The following CCDC60 variants were observed in gnomAD, a reference collection of about 807,000 sequenced individuals.
CCDC60 encodes coiled-coil domain containing 60, also known as coiled-coil domain-containing protein 60.
In CCDC60, 54 loss-of-function variants were observed where a neutral mutation model predicts 63.5. That is an observed-to-expected ratio of 0.85 (90% CI 0.68 to 1.07). CCDC60 has a LOEUF of 1.07. CCDC60 is among the 50% of genes least tolerant of loss of function. The pLI is 0.00. For missense variants in CCDC60, 651 were observed against 684.3 expected (o/e 0.95, Z 0.54); for synonymous variants, 206 against 238.8 (o/e 0.86, Z 1.27).
At chr12:119,338,740 A>C (rs1955500408) in intron 1 of CCDC60, among the ~76,000 whole-genome samples, 1 of 152,212 alleles carries the variant, frequency 6.6e-6, no homozygotes, top group Non-Finnish European at 1.5e-5. Flanking sequence ...GAATCACAAA[A>C]TGCCAGGCGG....
At chr12:119,530,107 C>T (rs1027124941) in intron 12 of CCDC60, among the ~76,000 whole-genome samples, 1 of 152,110 alleles carries the variant, frequency 6.6e-6, no homozygotes, top group African/African-American at 2.4e-5. Context: ...TCCTCTTCTC[C>T]TCAACGGGAC....
rs569511482 is a variant in CCDC60, at chr12:119,406,176, A to T, written c.91-22507A>T. On this transcript the variant is annotated intron_variant, in intron 1 of 13. Transcript: ENST00000327554. ...ACAAGAGGGAAACTCTGTCTCAAAA[A>T]ATATATATATATATAGATATATATA... is the stretch of plus-strand genomic sequence containing the variant. Among the ~76,000 whole-genome samples, 308 of 143,794 alleles carry T rather than the reference A, an allele frequency of 2.1e-3. 1 individual carries two copies. The highest frequency in any genetic ancestry group is 7.6e-3 in the African/African-American group (295 of 38,726). 94.3% of individuals were successfully genotyped at this position (143,794 alleles called of 152,430 possible).
At chr12:119,507,517 CATATATATACACAT>C (rs1952044111) in intron 7 of CCDC60, among the ~76,000 whole-genome samples, 1 of 119,348 alleles carries the variant, frequency 8.4e-6, no homozygotes, top group African/African-American at 3.3e-5. Flanking sequence ...CATATATATA[CATATATATACACAT>C]ATATATACAC....
At chr12:119,433,106 T>A (rs80247782) in intron 2 of CCDC60, among the ~76,000 whole-genome samples, 22 of 152,262 alleles carry the variant, frequency 1.4e-4, no homozygotes, top group African/African-American at 5.1e-4. Flanking sequence ...GTGACAATAT[T>A]TGCACCGTGG....
chr12:119,373,346 A>T (rs964972832), intron 1 of CCDC60, among the ~76,000 whole-genome samples: 10 of 151,890 alleles, frequency 6.6e-5, no homozygotes, highest in Admixed American at 5.2e-4. Context: ...GGCTCCAATC[A>T]CTCTAAACCC....
rs534552140 is a variant in CCDC60 at position 119,361,167 on chromosome 12, GGGGAGA to G, written c.90+25926_90+25931del. On this transcript the variant is annotated intron_variant, in intron 1 of 13. Coordinates refer to ENST00000327554, the MANE Select transcript of CCDC60 (RefSeq NM_178499.5). ...GAGACCATGGGGAGAGGGAGACCATGGGGAGAGGGAGAGGGAGAGGGAGAGGGAGAC... is the reference window on the plus strand; with the variant it reads ...GAGACCATGGGGAGAGGGAGACCATGGGGAGAGGGAGAGGGAGAGGGAGAC... Among the ~76,000 whole-genome samples, 53 of 140,424 alleles carry G rather than the reference GGGGAGA, an allele frequency of 3.8e-4. No individual in the cohort carries two copies. In the South Asian group the frequency reaches 7.5e-3, roughly 20 times the overall value. 92.1% of individuals were successfully genotyped at this position (140,424 alleles called of 152,430 possible).
intron 2 of CCDC60, among the ~76,000 whole-genome samples, chr12:119,452,286 T>C (rs924466642): frequency 6.6e-6 from 1 of 152,238 alleles, no homozygotes. Context: ...TAAAGCAGTT[T>C]TGAATATCCA....
intron 11 of CCDC60, 80 bp from the exon 12 acceptor site, chr12:119,528,535 T>C (rs747750855): frequency 1.9e-5 from 28 of 1,475,806 alleles, no homozygotes; most frequent in African/African-American, 2.8e-5. Flanking sequence ...GGTGTTTAAG[T>C]CAGATCTCAA....
intron 1 of CCDC60, among the ~76,000 whole-genome samples, chr12:119,413,186 A>C (rs1956637114): frequency 6.6e-6 from 1 of 152,112 alleles, no homozygotes; most frequent in South Asian, 2.1e-4. Flanking sequence ...CATTTGATTA[A>C]TTTTTTTAAC....
intron 2 of CCDC60, among the ~76,000 whole-genome samples, chr12:119,434,877 G>C (rs545548799): frequency 1.3e-5 from 2 of 152,318 alleles, no homozygotes; most frequent in South Asian, 4.1e-4. Context: ...GCGATGAAAA[G>C]TATGGGTTTG....
intron 2 of CCDC60, among the ~76,000 whole-genome samples, chr12:119,466,271 A>G (rs969800429): frequency 1.2e-4 from 18 of 152,112 alleles, no homozygotes; most frequent in African/African-American, 3.4e-4. Flanking sequence ...TTTACTTCTT[A>G]GTTTTGAATC....
Position 119,456,367 on chromosome 12 carries a change from A to G in CCDC60, c.171-15627A>G, listed in dbSNP as rs1408522742. Among the ~76,000 whole-genome samples, 2 of 152,228 alleles carry G rather than the reference A, an allele frequency of 1.3e-5. No homozygotes were observed. Among genetic ancestry groups the G allele is most frequent in the Non-Finnish European group, 2.9e-5 (2 of 68,048 alleles). On this transcript the variant is annotated intron_variant, in intron 2 of 13. Transcript: ENST00000327554. The surrounding 1 kb of genome is among the most constrained non-coding windows in gnomAD (Gnocchi z 4.6). ...CTAGGTTAAGGAAGAGAGTCAACTA[A>G]TATTCAGAAAATAGAGTTGACATCA...
At chr12:119,461,001 C>T (rs1566021955) in intron 2 of CCDC60, among the ~76,000 whole-genome samples, 2 of 152,128 alleles carry the variant, frequency 1.3e-5, no homozygotes, top group Non-Finnish European at 2.9e-5. Flanking sequence ...CTGAACATAC[C>T]TATGCTTGGA....
intron 1 of CCDC60, among the ~76,000 whole-genome samples, chr12:119,409,872 T>C (rs1956561580): frequency 6.6e-6 from 1 of 152,034 alleles, no homozygotes; most frequent in African/African-American, 2.4e-5. Context: ...TCTTTCTCTC[T>C]CTCTGCCCTC....
At chr12:119,448,011 G>A (rs1950571332) in intron 2 of CCDC60, 1 of 152,082 alleles carries the variant, frequency 6.6e-6, no homozygotes, top group Admixed American at 6.6e-5. Flanking sequence ...GTGGGGTGGG[G>A]GAGGGATGGA....
Position 119,502,417 on chromosome 12 carries a change from T to C in CCDC60, c.648+2249T>C, listed in dbSNP as rs574324215. ...TGCCAAAAATCAGTCCCTACTGAGA[T>C]GGAACATAGCAACTGGTTAACACAA... On this transcript the variant is annotated intron_variant, in intron 6 of 13. Coordinates refer to ENST00000327554, the MANE Select transcript of CCDC60 (RefSeq NM_178499.5). 1.9e-4 allele frequency among the ~76,000 whole-genome samples: 29 copies of C among 152,244 alleles called. 2 individuals carry two copies. In the South Asian group the frequency reaches 6.0e-3, roughly 32 times the overall value.
Position 119,335,041 on chromosome 12 carries a change from T to G in CCDC60, c.-136T>G. The G allele has an allele frequency of 1.5e-6, 1 of 653,726 alleles. No homozygotes were observed. 40.5% of individuals were successfully genotyped at this position (653,726 alleles called of 1,614,324 possible). ...CATTACTCTTCAGAAGGAAACCGCT[T>G]TGGAGTTCGTGTAATTGGGACTTGG... On this transcript the variant is annotated 5_prime_UTR_variant, in exon 1 of 14. Coordinates refer to ENST00000327554, the MANE Select transcript of CCDC60 (RefSeq NM_178499.5).
chr12:119,347,017 GT>G (rs1955604757), intron 1 of CCDC60, among the ~76,000 whole-genome samples: 3 of 151,788 alleles, frequency 2.0e-5, no homozygotes. Flanking sequence ...TAGAGATGGG[GT>G]TTCACCATCT....
intron 13 of CCDC60, among the ~76,000 whole-genome samples, chr12:119,537,679 C>T (rs1175592514): frequency 6.6e-6 from 1 of 152,208 alleles, no homozygotes; most frequent in African/African-American, 2.4e-5. Flanking sequence ...CTCTCAGCTG[C>T]AGGTCTGTTG....
Sources: allele counts gnomAD v4.1 joint callset (sites outside exome capture counted in the v4.1 genomes callset), GRCh38; gene constraint gnomAD v4.1.1; non-coding constraint Gnocchi (gnomAD v3.1); transcripts MANE v1.5; gene names NCBI Gene and HGNC (gene_info 2026-07-23, HGNC 2026-07-21).